MTA3: variants seen among roughly 807,000 people sequenced by gnomAD.
MTA3 encodes metastasis-associated protein MTA3.
A neutral mutation model predicts 83.5 loss-of-function variants in MTA3; 34 were observed. The ratio of observed to expected loss-of-function variants is 0.41; its 90% CI spans 0.31 to 0.54. MTA3 has a LOEUF of 0.54. Among genes scored for constraint, MTA3 ranks in the 20% least tolerant of loss-of-function variants. The pLI, the probability that MTA3 is intolerant of heterozygous loss-of-function variation, is 0.33. For synonymous variants in MTA3, 303 were observed against 252.7 expected (o/e 1.20, Z -1.89); for missense variants, 761 against 726.4 (o/e 1.05, Z -0.55).
chr2:42,497,293 A>G (rs1206133741), intron 2 of MTA3, among the ~76,000 whole-genome samples: 1 of 152,040 alleles, frequency 6.6e-6, no homozygotes, highest in Non-Finnish European at 1.5e-5. Context: ...TCCATACAAT[A>G]AAGTCCAAAT....
chr2:42,565,039 G>C (rs1266580783), upstream of MTA3, among the ~76,000 whole-genome samples: 1 of 152,038 alleles, frequency 6.6e-6, no homozygotes, highest in Non-Finnish European at 1.5e-5. Flanking sequence ...GCCTCCCAAA[G>C]TGCTGGGATT....
At chr2:42,500,507 A>C (rs76568468) in intron 2 of MTA3, among the ~76,000 whole-genome samples, 3,274 of 152,246 alleles carry the variant, frequency 0.022, 54 homozygotes, top group Middle Eastern at 0.044. Context: ...AGTGCACTCC[A>C]GCCTGGGTGA....
At chr2:42,733,759 C>T (rs1422571265) in intron 16 of MTA3, among the ~76,000 whole-genome samples, 2 of 152,092 alleles carry the variant, frequency 1.3e-5, no homozygotes, top group Non-Finnish European at 2.9e-5. Context: ...TCAGGTTTCC[C>T]AAAGTGCTGG....
chr2:42,555,917 T>G (rs1330452652), intron 2 of MTA3, among the ~76,000 whole-genome samples: 1 of 143,176 alleles, frequency 7.0e-6, no homozygotes, highest in South Asian at 2.2e-4. Context: ...ACTAAAAATA[T>G]AAAAAGTAGC....
intron 4 of MTA3, among the ~76,000 whole-genome samples, chr2:42,613,162 A>G (rs1021341939): frequency 6.6e-6 from 1 of 152,224 alleles, no homozygotes; most frequent in African/African-American, 2.4e-5. Flanking sequence ...CATAGTCTAC[A>G]TGATCGTTTA....
chr2:42,524,957 C>A (rs1235227671), intron 2 of MTA3, among the ~76,000 whole-genome samples: 1 of 141,040 alleles, frequency 7.1e-6, no homozygotes, highest in Non-Finnish European at 1.5e-5. Flanking sequence ...CTGTGGGTCT[C>A]TTTTTTTTTT....
At chr2:42,528,933 A>T (rs368519956) in intron 2 of MTA3, among the ~76,000 whole-genome samples, 1 of 152,172 alleles carries the variant, frequency 6.6e-6, no homozygotes, top group African/African-American at 2.4e-5. Flanking sequence ...CGTTTGCCTT[A>T]TTTGAATAGG....
intron 16 of MTA3, among the ~76,000 whole-genome samples, chr2:42,752,929 C>CTTTTT: frequency 6.7e-6 from 1 of 148,262 alleles, no homozygotes; most frequent in East Asian, 2.0e-4. Flanking sequence ...ATTGTGAGCC[C>CTTTTT]TTTTTTTTTT....
At chr2:42,568,423 T>TCCCTCCCCCTCCCCCTCCCTTTC (rs1678036390), upstream of MTA3, 1 of 35,926 alleles carries the variant, frequency 2.8e-5, no homozygotes, top group African/African-American at 1.1e-4. Flanking sequence ...CCCCCCACCC[T>TCCCTCCCCCTCCCCCTCCCTTTC]CCCTCCCACT....
chr2:42,677,997 T>C (rs1013671676), intron 8 of MTA3, among the ~76,000 whole-genome samples: 2 of 152,186 alleles, frequency 1.3e-5, no homozygotes, highest in Admixed American at 1.3e-4. Context: ...CTACATTGTA[T>C]GTACAATGGA....
chr2:42,756,433 C>T lies in MTA3; in HGVS notation c.*3034C>T. Reference sequence around the variant, plus strand: ...GCGACCCACCGGGTCAGTCCCCTGCCACTCAGAGCAGAGCAGGGGGCTGAG... The same window carrying T: ...GCGACCCACCGGGTCAGTCCCCTGCTACTCAGAGCAGAGCAGGGGGCTGAG... On this transcript the variant is annotated 3_prime_UTR_variant, in exon 17 of 17. Transcript: ENST00000405094. 1 of 980,284 alleles carries T rather than the reference C, an allele frequency of 1.0e-6. No homozygotes were observed. The highest frequency in any genetic ancestry group is 1.2e-6 in the Non-Finnish European group (1 of 825,216). 60.7% of individuals were successfully genotyped at this position (980,284 alleles called of 1,614,324 possible). A position where few individuals can be genotyped will look rare whatever the true frequency, so the allele number is the denominator to read the frequency against.
chr2:42,524,100 C>T (rs1675555117), intron 2 of MTA3, among the ~76,000 whole-genome samples: 1 of 152,042 alleles, frequency 6.6e-6, no homozygotes, highest in Non-Finnish European at 1.5e-5. Flanking sequence ...TAAGAAACAT[C>T]TTCAGCCAGG....
chr2:42,599,343 C>G (rs1682251594), intron 3 of MTA3, among the ~76,000 whole-genome samples: 1 of 152,120 alleles, frequency 6.6e-6, no homozygotes, highest in Admixed American at 6.6e-5. Flanking sequence ...AATCCCAATC[C>G]CAGCACTTTG....
intron 4 of MTA3, among the ~76,000 whole-genome samples, chr2:42,612,742 TC>T (rs1398362455): frequency 6.6e-6 from 1 of 152,024 alleles, no homozygotes. Flanking sequence ...ATGCCTGTAA[TC>T]CCAGCTACTC....
At chr2:42,629,368 C>T (rs531298169) in intron 4 of MTA3, among the ~76,000 whole-genome samples, 14 of 152,086 alleles carry the variant, frequency 9.2e-5, no homozygotes, top group African/African-American at 2.4e-4. Flanking sequence ...CGTGATCCAC[C>T]GTGCCCAGCG....
rs747874773 is a variant in MTA3 at position 42,754,721 on chromosome 2, C to T, written c.*1322C>T. ...CTAGGAGGCAGCTGGATGGCAGATA[C>T]GAGAGGCCCAAATAGCCAAGCTGTT... On this transcript the variant is annotated 3_prime_UTR_variant, in exon 17 of 17. Transcript: ENST00000405094. 4.6e-5 allele frequency: 45 copies of T among 985,456 alleles called. No individual in the cohort carries two copies. Among genetic ancestry groups the T allele is most frequent in the Non-Finnish European group, 5.2e-5 (43 of 829,948 alleles). The allele number at this position is 985,456 out of a possible 1,614,324, so 61.0% of individuals were successfully genotyped here. A position where few individuals can be genotyped will look rare whatever the true frequency, so the allele number is the denominator to read the frequency against.
chr2:42,601,388 G>T (rs538985942), intron 3 of MTA3, among the ~76,000 whole-genome samples: 2 of 152,230 alleles, frequency 1.3e-5, no homozygotes, highest in South Asian at 2.1e-4. Context: ...TATCCAATAC[G>T]CTATGAACTA....
At chr2:42,524,666 C>G (rs1675597369) in intron 2 of MTA3, among the ~76,000 whole-genome samples, 1 of 151,640 alleles carries the variant, frequency 6.6e-6, no homozygotes, top group African/African-American at 2.4e-5. Flanking sequence ...CCATCTTCAT[C>G]CCTGTATTGC....
intron 3 of MTA3, among the ~76,000 whole-genome samples, chr2:42,594,787 C>CGTG (rs1436658946): frequency 6.2e-5 from 8 of 128,766 alleles, no homozygotes; most frequent in East Asian, 2.2e-4. Context: ...AGTCCAGTGG[C>CGTG]GCGATCTCAG....
Sources: allele counts gnomAD v4.1 joint callset (sites outside exome capture counted in the v4.1 genomes callset), GRCh38; gene constraint gnomAD v4.1.1; transcripts MANE v1.5; gene names NCBI Gene and HGNC (gene_info 2026-07-23, HGNC 2026-07-21).